ADGRL3: variants seen among roughly 807,000 people sequenced by gnomAD.
ADGRL3 encodes adhesion G protein-coupled receptor L3.
Under a neutral mutation model 153.5 loss-of-function variants are expected in ADGRL3, and 62 were observed. That is an observed-to-expected ratio of 0.40 (90% CI 0.33 to 0.50). The LOEUF is 0.50. Ranked by LOEUF, ADGRL3 falls within the 20% of genes least tolerant of loss-of-function variation. The probability of loss-of-function intolerance (pLI) is 0.47; values close to 1 mark genes in which losing one functional copy is unlikely to be tolerated. For missense variants in ADGRL3, 1,641 were observed against 1,859.4 expected (o/e 0.88, Z 2.16); for synonymous variants, 710 against 672.5 (o/e 1.06, Z -0.86).
intron 9 of ADGRL3, among the ~76,000 whole-genome samples, chr4:61,857,595 C>T (rs565665220): frequency 5.0e-4 from 76 of 150,916 alleles, no homozygotes; most frequent in African/African-American, 1.8e-3. Flanking sequence ...TATACACAGC[C>T]GAGAAAGGTG....
chr4:61,597,365 A>C (rs758976677), intron 5 of ADGRL3, among the ~76,000 whole-genome samples: 2 of 152,110 alleles, frequency 1.3e-5, no homozygotes, highest in Admixed American at 6.6e-5. Context: ...TGATAATTGA[A>C]CTAAAGGGAA....
rs911833871 is a variant in ADGRL3 at position 61,202,981 on chromosome 4, C to T, written c.-240+1216C>T. ...ATCTGGTTTGAGGAGGCCACGGGGG[C>T]CCCCGCAGGGTGGCGAGGAAACCTT... On this transcript the variant is annotated intron_variant, in intron 1 of 26. Coordinates refer to ENST00000683033, the MANE Select transcript of ADGRL3 (RefSeq NM_001387552.1). The surrounding 1 kb of genome is among the most constrained non-coding windows in gnomAD (Gnocchi z 5.0). 1.3e-5 allele frequency among the ~76,000 whole-genome samples: 2 copies of T among 152,178 alleles called. No individual in the cohort carries two copies. The highest frequency in any genetic ancestry group is 4.8e-5 in the African/African-American group (2 of 41,468).
chr4:61,917,262 G>A (rs2149918399), intron 13 of ADGRL3, among the ~76,000 whole-genome samples: 1 of 152,248 alleles, frequency 6.6e-6, no homozygotes, highest in Non-Finnish European at 1.5e-5. Context: ...GGTGATAGGA[G>A]GCAAGACATA....
At chr4:61,746,728 A>G (rs1366205534) in intron 8 of ADGRL3, among the ~76,000 whole-genome samples, 1 of 152,226 alleles carries the variant, frequency 6.6e-6, no homozygotes, top group Non-Finnish European at 1.5e-5. Flanking sequence ...GGAAATTTAT[A>G]GCACTAAATG....
rs370521883 is a variant in ADGRL3, at chr4:61,948,151, C to T, written c.2680C>T (p.Arg894Cys). Residue 894 changes from arginine (R) to cysteine (C), a missense_variant, in exon 17 of 27, where the codon CGT becomes TGT. Around this residue, in one of 5 missense-constraint regions of ADGRL3, gnomAD observed 734 missense variants for 797.0 expected, o/e 0.92. Coordinates refer to ENST00000683033, the MANE Select transcript of ADGRL3 (RefSeq NM_001387552.1). ...PNCSFWSYSKRTMTGYWSTQG... is the reference protein window; with the variant it reads ...PNCSFWSYSKCTMTGYWSTQG... Reference sequence around the variant, plus strand: ...CTGTTCATTTTGGAGCTACTCCAAGCGTACAATGACAGGTTATTGGTCAAC... The same window carrying T: ...CTGTTCATTTTGGAGCTACTCCAAGTGTACAATGACAGGTTATTGGTCAAC... The T allele has an allele frequency of 1.1e-5, 18 of 1,613,450 alleles. No homozygotes were observed. Among genetic ancestry groups the T allele is most frequent in the African/African-American group, 8.0e-5 (6 of 74,894 alleles).
chr4:61,500,131 C>G (rs1016376065), intron 3 of ADGRL3, among the ~76,000 whole-genome samples: 2 of 151,498 alleles, frequency 1.3e-5, no homozygotes, highest in African/African-American at 4.9e-5. Context: ...ACATAAAAGA[C>G]TAACCTGGTA....
intron 8 of ADGRL3, among the ~76,000 whole-genome samples, chr4:61,788,309 A>T (rs769201231): frequency 6.6e-6 from 1 of 152,212 alleles, no homozygotes; most frequent in Non-Finnish European, 1.5e-5. Context: ...CTACTGGAAC[A>T]GGTACTGGTA....
chr4:61,917,134 C>A (rs1449297841), intron 13 of ADGRL3, among the ~76,000 whole-genome samples: 1 of 152,098 alleles, frequency 6.6e-6, no homozygotes, highest in African/African-American at 2.4e-5. Flanking sequence ...ATGACTTTCA[C>A]AAGATCACAC....
In ADGRL3 at chr4:61,221,794, C is replaced by T. The variant is rs115355721; in HGVS notation, c.-240+20029C>T. Among the ~76,000 whole-genome samples, 945 of 151,944 alleles carry T rather than the reference C, an allele frequency of 6.2e-3. 12 individuals are homozygous for T. The highest frequency in any genetic ancestry group is 0.022 in the African/African-American group (897 of 41,462). ...ATTTTGTGCAATTGTTGTAGCAAAC[C>T]AGATGTTGCAAAGTTGTTATTTAAT... On this transcript the variant is annotated intron_variant, in intron 1 of 26. Coordinates refer to ENST00000683033, the MANE Select transcript of ADGRL3 (RefSeq NM_001387552.1).
In ADGRL3 at chr4:61,395,610, T is replaced by C. The variant is rs192383577; in HGVS notation, c.-174+12421T>C. 1.8e-3 allele frequency among the ~76,000 whole-genome samples: 274 copies of C among 152,032 alleles called. 2 individuals carry two copies. Among genetic ancestry groups the C allele is most frequent in the African/African-American group, 6.4e-3 (265 of 41,520 alleles). ...CTCACTATTATATGTTAATTTTACA[T>C]GACAAATATAATAAAAACATGAAGG... On this transcript the variant is annotated intron_variant, in intron 2 of 26. Transcript: ENST00000683033.
chr4:61,915,512 A>G (rs970358), intron 13 of ADGRL3, among the ~76,000 whole-genome samples: 7,679 of 152,074 alleles, frequency 0.05, 326 homozygotes, highest in East Asian at 0.19. Context: ...CCTATGAAAC[A>G]CATGGTCATT....
intron 3 of ADGRL3, among the ~76,000 whole-genome samples, chr4:61,508,950 T>C (rs2098447171): frequency 6.6e-6 from 1 of 152,062 alleles, no homozygotes; most frequent in Non-Finnish European, 1.5e-5. Flanking sequence ...TGGAAACCCC[T>C]GATAAAACCA....
chr4:61,368,933 G>A (rs1407356906), intron 1 of ADGRL3, among the ~76,000 whole-genome samples: 1 of 152,140 alleles, frequency 6.6e-6, no homozygotes. Flanking sequence ...TGTCCTTGAA[G>A]AGGTCCTTCA....
intron 2 of ADGRL3, among the ~76,000 whole-genome samples, chr4:61,455,481 G>C (rs2097723941): frequency 6.6e-6 from 1 of 152,048 alleles, no homozygotes; most frequent in Non-Finnish European, 1.5e-5. Context: ...AGTTTCCTCA[G>C]AATTAGCCAT....
chr4:61,916,167 G>C (rs1258987624), intron 13 of ADGRL3, among the ~76,000 whole-genome samples: 1 of 152,102 alleles, frequency 6.6e-6, no homozygotes, highest in Non-Finnish European at 1.5e-5. Flanking sequence ...AAAGTGGCTG[G>C]TGTGATATTT....
chr4:61,587,422 A>T lies in ADGRL3; in HGVS notation c.455A>T (p.Tyr152Phe). The part of the protein sequence containing the change: ...ENIRCYLPDA[Y>F]KIMSQRCNNR... ...ATCCGATGTTATCTGCCAGATGCCT[A>T]TAAGATTATGTCTCAAAGGTATGAT... The change falls in exon 5 of 27, where the codon TAT (tyrosine) becomes TTT (phenylalanine). Residue 152 changes from tyrosine to phenylalanine, a missense_variant. Tyr to Phe is a conservative substitution (Grantham distance 22). Around this residue, in one of 5 missense-constraint regions of ADGRL3, gnomAD observed 213 missense variants for 362.1 expected, o/e 0.59. Coordinates refer to ENST00000683033, the MANE Select transcript of ADGRL3 (RefSeq NM_001387552.1). 6.2e-7 allele frequency: 1 copy of T among 1,611,588 alleles called. No homozygotes were observed. Among genetic ancestry groups the T allele is most frequent in the Non-Finnish European group, 8.5e-7 (1 of 1,178,318 alleles).
intron 3 of ADGRL3, among the ~76,000 whole-genome samples, chr4:61,507,539 C>A (rs1374870699): frequency 6.6e-6 from 1 of 152,174 alleles, no homozygotes; most frequent in Non-Finnish European, 1.5e-5. Flanking sequence ...TTCATAAAAA[C>A]TAACGGAAAT....
chr4:61,460,027 A>C (rs192293284), intron 2 of ADGRL3, among the ~76,000 whole-genome samples: 1 of 151,958 alleles, frequency 6.6e-6, no homozygotes. Flanking sequence ...TCTGCAGGTT[A>C]TCTCTTCATT....
chr4:61,753,003 C>T (rs1184123068), intron 8 of ADGRL3, among the ~76,000 whole-genome samples: 1 of 151,990 alleles, frequency 6.6e-6, no homozygotes, highest in Non-Finnish European at 1.5e-5. Context: ...CCTATTATTA[C>T]CCCAACTGAA....
Sources: gnomAD v4.1 joint callset for allele counts (sites outside exome capture counted in the v4.1 genomes callset) on GRCh38, gnomAD v4.1.1 for gene constraint, gnomAD v4.1.1 regional missense constraint, Gnocchi (gnomAD v3.1) non-coding constraint, MANE v1.5 for transcripts, NCBI Gene and HGNC (gene_info 2026-07-23, HGNC 2026-07-21) for gene names.